The following VAT1L variants were observed in gnomAD, a reference collection of about 807,000 sequenced individuals.
The protein encoded by VAT1L is putative NADPH-dependent quinone oxidoreductase VAT1L.
In VAT1L, 34 loss-of-function variants were observed where a neutral mutation model predicts 44.1. That is an observed-to-expected ratio of 0.77 (90% CI 0.59 to 1.03). VAT1L has a LOEUF of 1.03. Among genes scored for constraint, VAT1L ranks in the 50% least tolerant of loss-of-function variants. The pLI, the probability that VAT1L is intolerant of heterozygous loss-of-function variation, is 0.00. For missense variants in VAT1L, 615 were observed against 538.8 expected (o/e 1.14, Z -1.40); for synonymous variants, 253 against 202.2 (o/e 1.25, Z -2.13).
intron 7 of VAT1L, among the ~76,000 whole-genome samples, chr16:77,944,285 T>G (rs111978602): frequency 9.6e-4 from 146 of 152,332 alleles, no homozygotes; most frequent in African/African-American, 3.3e-3. Flanking sequence ...ATGTGTTTAC[T>G]CTACTGGAAT....
chr16:77,936,837 G>A (rs952519671), intron 7 of VAT1L, among the ~76,000 whole-genome samples: 4 of 151,950 alleles, frequency 2.6e-5, no homozygotes, highest in African/African-American at 7.2e-5. Flanking sequence ...GTGGTCAGGG[G>A]TGGATTCCTA....
chr16:77,789,730 G>A (rs2015798959), intron 1 of VAT1L, among the ~76,000 whole-genome samples: 1 of 152,070 alleles, frequency 6.6e-6, no homozygotes, highest in Non-Finnish European at 1.5e-5. Flanking sequence ...GGAATTCCTG[G>A]TCCCATCTCA....
At chr16:77,872,745 C>G (rs1470604316) in intron 4 of VAT1L, among the ~76,000 whole-genome samples, 1 of 152,218 alleles carries the variant, frequency 6.6e-6, no homozygotes, top group Non-Finnish European at 1.5e-5. Flanking sequence ...GCAGTGATCA[C>G]TCTGTGTTTG....
At chr16:77,819,349 G>A (rs2016409376) in intron 2 of VAT1L, among the ~76,000 whole-genome samples, 1 of 151,974 alleles carries the variant, frequency 6.6e-6, no homozygotes, top group African/African-American at 2.4e-5. Context: ...ATCTTCTGAT[G>A]CACTGAAGAT....
At chr16:77,943,069 T>C (rs1055777571) in intron 7 of VAT1L, among the ~76,000 whole-genome samples, 4 of 149,986 alleles carry the variant, frequency 2.7e-5, no homozygotes, top group African/African-American at 9.9e-5. Flanking sequence ...TTTTGTTTGT[T>C]TTTTTGAGAT....
chr16:77,845,943 C>G (rs1414490919), intron 3 of VAT1L, among the ~76,000 whole-genome samples: 4 of 152,196 alleles, frequency 2.6e-5, no homozygotes, highest in Non-Finnish European at 5.9e-5. Context: ...TTAACTGCCT[C>G]TATATCCCAG....
rs376847259 is a variant in VAT1L, at chr16:77,977,577, C to A, written c.1162-20C>A. The A allele has an allele frequency of 7.1e-5, 115 of 1,612,396 alleles. No individual in the cohort carries two copies. Among genetic ancestry groups the A allele is most frequent in the Non-Finnish European group, 8.5e-5 (100 of 1,179,078 alleles). Reference sequence around the variant, plus strand: ...GGCTGGGTTGCACAACCCTCAATAACATCCTCTTTTGAATTACAGATGGCC... The same window carrying A: ...GGCTGGGTTGCACAACCCTCAATAAAATCCTCTTTTGAATTACAGATGGCC... On this transcript the variant is annotated intron_variant, in intron 8 of 8. Transcript: ENST00000302536.
intron 5 of VAT1L, among the ~76,000 whole-genome samples, chr16:77,877,444 C>T (rs994707511): frequency 1.5e-5 from 2 of 134,732 alleles, no homozygotes; most frequent in East Asian, 2.3e-4. Context: ...ACCCGGGAGG[C>T]GGAGCTGGCA....
intron 7 of VAT1L, among the ~76,000 whole-genome samples, chr16:77,925,535 A>G (rs1567510106): frequency 6.6e-6 from 1 of 152,210 alleles, no homozygotes; most frequent in Non-Finnish European, 1.5e-5. Context: ...CAGAGTCAAT[A>G]TAAGAACAAA....
At chr16:77,841,232 C>T (rs1318505019) in intron 3 of VAT1L, among the ~76,000 whole-genome samples, 1 of 152,172 alleles carries the variant, frequency 6.6e-6, no homozygotes, top group Non-Finnish European at 1.5e-5. Context: ...AGGCTCATGC[C>T]ACCATACCCA....
At chr16:77,827,257 C>G (rs1282640332) in intron 3 of VAT1L, among the ~76,000 whole-genome samples, 4 of 152,196 alleles carry the variant, frequency 2.6e-5, no homozygotes, top group Non-Finnish European at 5.9e-5. Context: ...GCTCAGCATA[C>G]AAAGTATTAG....
intron 3 of VAT1L, among the ~76,000 whole-genome samples, chr16:77,826,303 T>A (rs1242313147): frequency 1.3e-5 from 2 of 152,126 alleles, no homozygotes; most frequent in Non-Finnish European, 2.9e-5. Context: ...ACAAGTCATC[T>A]ACTACTGCTA....
chr16:77,885,528 G>T (rs565330595), intron 7 of VAT1L, among the ~76,000 whole-genome samples: 1 of 152,048 alleles, frequency 6.6e-6, no homozygotes, highest in Non-Finnish European at 1.5e-5. Context: ...AAGAGATGTG[G>T]CCTGGATTTT....
intron 3 of VAT1L, among the ~76,000 whole-genome samples, chr16:77,829,770 C>T (rs979998898): frequency 2.0e-5 from 3 of 152,066 alleles, no homozygotes; most frequent in African/African-American, 2.4e-5. Context: ...TCTCTTAATC[C>T]GGGTGTGCTC....
Position 77,884,505 on chromosome 16 carries a change from C to T in VAT1L, c.883-103C>T, listed in dbSNP as rs1441403485. 1.8e-6 allele frequency: 2 copies of T among 1,141,226 alleles called. No individual in the cohort carries two copies. The highest frequency in any genetic ancestry group is 5.8e-5 in the East Asian group (2 of 34,290). The allele number at this position is 1,141,226 out of a possible 1,614,324, so 70.7% of individuals were successfully genotyped here. ...CCAGCTGGAATCTGCTGAGCTGCAGCCCCACGTTCCCCCTGTAGTAGCTGA... is the reference window on the plus strand; with the variant it reads ...CCAGCTGGAATCTGCTGAGCTGCAGTCCCACGTTCCCCCTGTAGTAGCTGA... On this transcript the variant is annotated intron_variant, in intron 6 of 8. Transcript: ENST00000302536. The surrounding 1 kb of genome is among the most constrained non-coding windows in gnomAD (Gnocchi z 4.5).
rs2017256511 is a variant in VAT1L at position 77,890,814 on chromosome 16, C to G, written c.1077+6012C>G. Among the ~76,000 whole-genome samples the G allele has an allele frequency of 2.0e-5, 3 of 151,498 alleles. No individual in the cohort carries two copies. In the South Asian group the frequency reaches 6.3e-4, roughly 32 times the overall value. ...TGGTACACACCTGTGGTCCCAGGTA[C>G]TCAGGAGGCTGAGGTGGGAGGATGA... On this transcript the variant is annotated intron_variant, in intron 7 of 8. Transcript: ENST00000302536.
intron 7 of VAT1L, among the ~76,000 whole-genome samples, chr16:77,952,724 G>A (rs1172886183): frequency 6.6e-6 from 1 of 151,922 alleles, no homozygotes; most frequent in Non-Finnish European, 1.5e-5. Context: ...CAGGCGTGGT[G>A]GCTCATGCCT....
At chr16:77,807,813 A>G (rs1187628539) in intron 1 of VAT1L, among the ~76,000 whole-genome samples, 1 of 152,110 alleles carries the variant, frequency 6.6e-6, no homozygotes, top group East Asian at 1.9e-4. Context: ...TGAGATGGAA[A>G]AACTAAGGCC....
chr16:77,930,505 C>A (rs1465924993), intron 7 of VAT1L, among the ~76,000 whole-genome samples: 2 of 152,114 alleles, frequency 1.3e-5, no homozygotes, highest in Non-Finnish European at 2.9e-5. Flanking sequence ...GTAGATAACC[C>A]CTCGCTGAAT....
Sources: gnomAD v4.1 joint callset for allele counts (sites outside exome capture counted in the v4.1 genomes callset) on GRCh38, gnomAD v4.1.1 for gene constraint, Gnocchi (gnomAD v3.1) non-coding constraint, MANE v1.5 for transcripts, NCBI Gene and HGNC (gene_info 2026-07-23, HGNC 2026-07-21) for gene names.